TNIK: variants seen among roughly 807,000 people sequenced by gnomAD.
TNIK encodes TRAF2 and NCK interacting kinase, also known as TRAF2 and NCK-interacting protein kinase.
TNIK carries 49 observed loss-of-function variants against 191.3 expected under a neutral mutation model. The ratio of observed to expected loss-of-function variants is 0.26; its 90% confidence interval spans 0.20 to 0.32. The LOEUF (loss-of-function observed/expected upper bound fraction) is 0.32. Among genes scored for constraint, TNIK ranks in the 10% least tolerant of loss-of-function variants. The pLI is 1.00. For synonymous variants in TNIK, 594 were observed against 600.9 expected, an observed-to-expected ratio of 0.99 and a Z score of 0.17; for missense variants, 1,155 against 1,702.3, an observed-to-expected ratio of 0.68 and a Z score of 5.66.
At chr3:171,087,711 G>A (rs1471041985) in intron 23 of TNIK, among the ~76,000 whole-genome samples, 1 of 152,174 alleles carries the variant, frequency 6.6e-6, no homozygotes, top group Admixed American at 6.5e-5. Context: ...TGAGCCTGAA[G>A]CCTTACGTTC....
chr3:171,398,770 T>A (rs1286411047), intron 1 of TNIK, among the ~76,000 whole-genome samples: 3 of 152,252 alleles, frequency 2.0e-5, no homozygotes, highest in Non-Finnish European at 4.4e-5. Context: ...TCATGGTTCC[T>A]TTGACGTGTC....
At chr3:171,434,156 G>A (rs200677907) in intron 1 of TNIK, among the ~76,000 whole-genome samples, 15 of 151,864 alleles carry the variant, frequency 9.9e-5, no homozygotes, top group East Asian at 1.9e-4. Flanking sequence ...GACTGGTCTC[G>A]AACTCCTGAC....
intron 9 of TNIK, among the ~76,000 whole-genome samples, chr3:171,171,533 A>G (rs1275320304): frequency 6.6e-6 from 1 of 152,204 alleles, no homozygotes; most frequent in Non-Finnish European, 1.5e-5. Flanking sequence ...GAGCTTGTAC[A>G]TATAAGCAGT....
chr3:171,258,815 A>T (rs1379835369), intron 2 of TNIK, among the ~76,000 whole-genome samples: 1 of 152,202 alleles, frequency 6.6e-6, no homozygotes, highest in Non-Finnish European at 1.5e-5. Context: ...GTGAAGTATC[A>T]GCTAAGACAA....
intron 23 of TNIK, among the ~76,000 whole-genome samples, chr3:171,093,592 A>G (rs1402791193): frequency 6.6e-6 from 1 of 152,182 alleles, no homozygotes; most frequent in Non-Finnish European, 1.5e-5. Context: ...CTATATTCTG[A>G]TTTGCATAGC....
intron 1 of TNIK, among the ~76,000 whole-genome samples, chr3:171,433,229 G>A (rs1404357477): frequency 2.0e-5 from 3 of 152,018 alleles, no homozygotes; most frequent in Admixed American, 6.6e-5. Context: ...TAAATAAAAT[G>A]AGAAGAGATC....
At chr3:171,122,373 G>C (rs1727873444) in intron 18 of TNIK, among the ~76,000 whole-genome samples, 1 of 152,182 alleles carries the variant, frequency 6.6e-6, no homozygotes, top group African/African-American at 2.4e-5. Context: ...TCCCTTGGCT[G>C]CCTGGTCACA....
At chr3:171,340,523 T>TAC (rs1176294524) in intron 2 of TNIK, among the ~76,000 whole-genome samples, 1 of 152,174 alleles carries the variant, frequency 6.6e-6, no homozygotes, top group Non-Finnish European at 1.5e-5. Flanking sequence ...TGAAGTAGGG[T>TAC]ACTGCCTGAT....
chr3:171,104,892 A>C (rs1724465497), intron 21 of TNIK, among the ~76,000 whole-genome samples: 1 of 152,130 alleles, frequency 6.6e-6, no homozygotes, highest in Non-Finnish European at 1.5e-5. Context: ...CATACTAATA[A>C]AAAACAGCGG....
intron 4 of TNIK, among the ~76,000 whole-genome samples, chr3:171,205,690 G>A (rs1577115985): frequency 6.6e-6 from 1 of 152,184 alleles, no homozygotes; most frequent in Non-Finnish European, 1.5e-5. Context: ...GACCCCTTCA[G>A]TATGTGGGTC....
intron 1 of TNIK, among the ~76,000 whole-genome samples, chr3:171,379,055 G>T (rs755348225): frequency 6.6e-6 from 1 of 152,198 alleles, no homozygotes; most frequent in Non-Finnish European, 1.5e-5. Context: ...GTTGGGTTAA[G>T]AAATCGATTT....
At chr3:171,126,227 GAAAA>G in intron 16 of TNIK, 76 bp from the exon 17 acceptor site, 13 of 1,108,010 alleles carry the variant, frequency 1.2e-5, no homozygotes, top group South Asian at 7.5e-5. Context: ...TGAGCTGAAG[GAAAA>G]AAAAAAAAAA....
Position 171,110,699 on chromosome 3 carries a change from AAG to A in TNIK, c.2284+13_2284+14del. On this transcript the variant is annotated intron_variant, in intron 19 of 32. Coordinates refer to ENST00000436636, the MANE Select transcript of TNIK (RefSeq NM_015028.4). ...CCAGGCAGTATTGCCAGGTAAAGGT[AAG>A]AGAAAGTTTTACCTCGAACTCTGGT... 1 of 1,573,770 alleles carries A rather than the reference AAG, an allele frequency of 6.4e-7. No individual in the cohort carries two copies. Among genetic ancestry groups the A allele is most frequent in the Non-Finnish European group, 8.6e-7 (1 of 1,158,848 alleles).
At chr3:171,176,891 A>T (rs73882628) in intron 8 of TNIK, among the ~76,000 whole-genome samples, 1,965 of 152,346 alleles carry the variant, frequency 0.013, 41 homozygotes, top group African/African-American at 0.043. Context: ...GAAATCTAAA[A>T]TTTTAAACAT....
intron 4 of TNIK, among the ~76,000 whole-genome samples, chr3:171,206,292 C>T (rs114920891): frequency 0.024 from 3,575 of 146,360 alleles, 131 homozygotes; most frequent in African/African-American, 0.084. Context: ...TATGTATGTA[C>T]ACACAGACAA....
chr3:171,310,011 A>G (rs1753849141), intron 2 of TNIK, among the ~76,000 whole-genome samples: 1 of 152,112 alleles, frequency 6.6e-6, no homozygotes, highest in Non-Finnish European at 1.5e-5. Flanking sequence ...CACTCACTGG[A>G]GCTCTTAATC....
intron 1 of TNIK, among the ~76,000 whole-genome samples, chr3:171,435,838 T>C (rs1434828063): frequency 6.6e-6 from 1 of 152,024 alleles, no homozygotes; most frequent in Non-Finnish European, 1.5e-5. Flanking sequence ...ATATAAAAAG[T>C]TTCCAGATCC....
intron 2 of TNIK, among the ~76,000 whole-genome samples, chr3:171,351,267 A>ATGTGTGTGTGTGTGTGTG (rs1161906508): frequency 2.0e-4 from 9 of 45,946 alleles, no homozygotes; most frequent in Middle Eastern, 9.8e-3. Flanking sequence ...ATATATATGT[A>ATGTGTGTGTGTGTGTGTG]TATATGTGTG....
chr3:171,228,342 AAGAC>A (rs1357798091), intron 2 of TNIK, 121 bp from the exon 3 acceptor site: 2 of 921,372 alleles, frequency 2.2e-6, no homozygotes, highest in African/African-American at 1.7e-5. Context: ...GGGAGAGAGA[AAGAC>A]AGACACACAC....
Sources: gnomAD v4.1 joint callset for allele counts (sites outside exome capture counted in the v4.1 genomes callset) on GRCh38, gnomAD v4.1.1 for gene constraint, MANE v1.5 for transcripts, NCBI Gene and HGNC (gene_info 2026-07-23, HGNC 2026-07-21) for gene names.